SEMA5A: variants seen among roughly 807,000 people sequenced by gnomAD.
SEMA5A encodes semaphorin 5A, also known as semaphorin-5A.
SEMA5A carries 55 observed loss-of-function variants against 135.5 expected under a neutral mutation model. The ratio of observed to expected loss-of-function variants is 0.41; its 90% confidence interval spans 0.33 to 0.51. SEMA5A has a LOEUF of 0.51. SEMA5A is among the 20% of genes least tolerant of loss of function. The pLI, the probability that SEMA5A is intolerant of heterozygous loss-of-function variation, is 0.37. For missense variants in SEMA5A, 1,290 were observed against 1,419.9 expected (o/e 0.91, Z 1.47); for synonymous variants, 580 against 546.5 (o/e 1.06, Z -0.85).
At chr5:9,256,361 C>A (rs1221076942) in intron 5 of SEMA5A, among the ~76,000 whole-genome samples, 1 of 152,148 alleles carries the variant, frequency 6.6e-6, no homozygotes, top group East Asian at 1.9e-4. Flanking sequence ...CAACTCTAAA[C>A]CTCTGTAGGT....
intron 16 of SEMA5A, among the ~76,000 whole-genome samples, chr5:9,068,695 C>CA (rs1344155624): frequency 5.3e-5 from 8 of 151,770 alleles, no homozygotes; most frequent in African/African-American, 9.6e-5. Context: ...TTGCCACTAA[C>CA]AAAAAAAATG....
chr5:9,165,641 C>T (rs1229708808), intron 11 of SEMA5A, among the ~76,000 whole-genome samples: 2 of 152,200 alleles, frequency 1.3e-5, no homozygotes, highest in East Asian at 1.9e-4. Flanking sequence ...GCCGCTATGT[C>T]CAAGAGGCAT....
At chr5:9,330,735 T>A (rs766629212) in intron 4 of SEMA5A, among the ~76,000 whole-genome samples, 1 of 151,910 alleles carries the variant, frequency 6.6e-6, no homozygotes, top group Non-Finnish European at 1.5e-5. Context: ...GGAGAACAAG[T>A]AGAAGAAAGA....
intron 1 of SEMA5A, among the ~76,000 whole-genome samples, chr5:9,474,773 C>A (rs1268624519): frequency 1.3e-5 from 2 of 152,158 alleles, no homozygotes; most frequent in Non-Finnish European, 2.9e-5. Flanking sequence ...ACCTCTCCTG[C>A]CTCACCCCCT....
chr5:9,134,508 G>A (rs889579005), intron 13 of SEMA5A, among the ~76,000 whole-genome samples: 5 of 152,166 alleles, frequency 3.3e-5, no homozygotes, highest in African/African-American at 9.7e-5. Flanking sequence ...AACCAAGTGC[G>A]TGGGTGTGTA....
intron 17 of SEMA5A, among the ~76,000 whole-genome samples, chr5:9,064,613 G>A (rs541036150): frequency 1.1e-4 from 16 of 152,154 alleles, no homozygotes; most frequent in Non-Finnish European, 1.9e-4. Context: ...ATGGACACCA[G>A]GAGGGGAACA....
intron 3 of SEMA5A, among the ~76,000 whole-genome samples, chr5:9,368,770 T>C (rs1010174432): frequency 6.6e-6 from 1 of 152,246 alleles, no homozygotes; most frequent in Non-Finnish European, 1.5e-5. Context: ...CCATTTTACA[T>C]AATTAATTTA....
At chr5:9,167,127 A>G (rs1390400580) in intron 11 of SEMA5A, among the ~76,000 whole-genome samples, 5 of 152,232 alleles carry the variant, frequency 3.3e-5, no homozygotes. Context: ...ACTCAGTGGA[A>G]TAAGAAAATT....
chr5:9,086,021 T>A (rs1174110005), intron 16 of SEMA5A, among the ~76,000 whole-genome samples: 3 of 152,214 alleles, frequency 2.0e-5, no homozygotes, highest in Non-Finnish European at 4.4e-5. Context: ...TGGATTTGCA[T>A]AGGGCCTGTT....
chr5:9,519,561 T>C (rs923126071), intron 1 of SEMA5A, among the ~76,000 whole-genome samples: 2 of 152,244 alleles, frequency 1.3e-5, no homozygotes, highest in African/African-American at 4.8e-5. Flanking sequence ...ACATAATTAA[T>C]GCTGAAGAAA....
chr5:9,476,345 G>A (rs982528829), intron 1 of SEMA5A, among the ~76,000 whole-genome samples: 2 of 152,042 alleles, frequency 1.3e-5, no homozygotes, highest in African/African-American at 4.8e-5. Context: ...CCTTGCACAT[G>A]TTGGGGGTTT....
chr5:9,488,416 C>T (rs1734836443), intron 1 of SEMA5A, among the ~76,000 whole-genome samples: 1 of 152,158 alleles, frequency 6.6e-6, no homozygotes, highest in Admixed American at 6.6e-5. Flanking sequence ...AATATGCTGC[C>T]TTTCACATGT....
At position 9,035,978 on chromosome 5, in the gene SEMA5A, A is replaced by AAG. The variant is rs1372642970; in HGVS notation, c.*6918_*6919insCT. ...GTTTCACAAAAAAAAAAAAAAAAAA[A>AAG]AATCTCAAGTTTATTTTGTGTTCAC... On this transcript the variant is annotated 3_prime_UTR_variant, in exon 23 of 23. Transcript: ENST00000382496. The AAG allele has an allele frequency of 7.1e-4, 108 of 152,068 alleles. No individual in the cohort carries two copies. Among genetic ancestry groups the AAG allele is most frequent in the African/African-American group, 2.6e-3 (106 of 41,484 alleles). The allele number at this position is 152,068 out of a possible 1,614,324, so 9.4% of individuals were successfully genotyped here.
intron 15 of SEMA5A, among the ~76,000 whole-genome samples, chr5:9,118,388 A>G (rs185873499): frequency 6.6e-6 from 1 of 152,228 alleles, no homozygotes; most frequent in Non-Finnish European, 1.5e-5. Flanking sequence ...CCTGAAACCA[A>G]ATGTCTAATT....
intron 2 of SEMA5A, among the ~76,000 whole-genome samples, chr5:9,402,325 A>G (rs1756693010): frequency 6.6e-6 from 1 of 152,216 alleles, no homozygotes; most frequent in African/African-American, 2.4e-5. Flanking sequence ...AAGAGATGCT[A>G]TGACTTTATC....
chr5:9,492,413 A>T (rs1367718442), intron 1 of SEMA5A, among the ~76,000 whole-genome samples: 1 of 152,188 alleles, frequency 6.6e-6, no homozygotes, highest in African/African-American at 2.4e-5. Flanking sequence ...TTTTCTAGTC[A>T]TTTCACAATT....
At chr5:9,210,978 A>G (rs1393917239) in intron 8 of SEMA5A, among the ~76,000 whole-genome samples, 3 of 152,210 alleles carry the variant, frequency 2.0e-5, no homozygotes, top group East Asian at 1.9e-4. Flanking sequence ...CTCAAAGATA[A>G]TAAGATTAGA....
chr5:9,163,137 G>A (rs1315592377), intron 11 of SEMA5A, among the ~76,000 whole-genome samples: 1 of 151,988 alleles, frequency 6.6e-6, no homozygotes, highest in East Asian at 1.9e-4. Flanking sequence ...GAAAACTAGT[G>A]TCTAAAGGAT....
intron 16 of SEMA5A, among the ~76,000 whole-genome samples, chr5:9,077,255 C>A (rs921992836): frequency 6.6e-6 from 1 of 152,108 alleles, no homozygotes. Flanking sequence ...CTTAGCCATC[C>A]CAAATAAACA....
Sources: gnomAD v4.1 joint callset for allele counts (sites outside exome capture counted in the v4.1 genomes callset) on GRCh38, gnomAD v4.1.1 for gene constraint, MANE v1.5 for transcripts, NCBI Gene and HGNC (gene_info 2026-07-23, HGNC 2026-07-21) for gene names.